The following PAWR variants were observed in gnomAD, a reference collection of about 807,000 sequenced individuals.
The protein encoded by PAWR is PRKC apoptosis WT1 regulator protein.
PAWR carries 23 observed loss-of-function variants against 32.0 expected under a neutral mutation model. The observed-to-expected ratio is 0.72, with a 90% CI of 0.52 to 1.02. The LOEUF is 1.02. PAWR is among the 50% of genes least tolerant of loss of function. The probability of loss-of-function intolerance (pLI) is 0.00; values close to 1 mark genes in which losing one functional copy is unlikely to be tolerated. For missense variants in PAWR, 457 were observed against 437.7 expected (o/e 1.04, Z -0.39); for synonymous variants, 226 against 187.1 (o/e 1.21, Z -1.70).
intron 2 of PAWR, among the ~76,000 whole-genome samples, chr12:79,671,632 G>A (rs937507026): frequency 6.6e-6 from 1 of 151,544 alleles, no homozygotes; most frequent in Non-Finnish European, 1.5e-5. Flanking sequence ...TAGTTTCCTC[G>A]ATACGAGGGA....
rs1238972973 is a variant in PAWR at position 79,690,076 on chromosome 12, C to A, written c.169G>T (p.Ala57Ser). The change falls in exon 2 of 7, where the codon GCT becomes TCT. Residue 57 changes from alanine (A) to serine (S), a missense_variant. Physicochemically the swap from Ala to Ser is moderately conservative, Grantham distance 99 (BLOSUM62 1). Transcript: ENST00000328827. ...SDAAGKPPAG[A>S]LGTPAAAAAN... ...GCGGCGGCCGCCGGGGTGCCCAGAG[C>A]CCCCGCGGGGGGCTTCCCAGCGGCG... is the stretch of plus-strand genomic sequence containing the variant. 1.4e-6 allele frequency: 2 copies of A among 1,413,192 alleles called. No homozygotes were observed. Among genetic ancestry groups the A allele is most frequent in the South Asian group, 1.5e-5 (1 of 66,582 alleles). The allele number at this position is 1,413,192 out of a possible 1,614,324, so 87.5% of individuals were successfully genotyped here. A position where few individuals can be genotyped will look rare whatever the true frequency, so the allele number is the denominator to read the frequency against.
At chr12:79,603,742 AT>A (rs1874056786) in intron 4 of PAWR, 2 of 124,972 alleles carry the variant, frequency 1.6e-5, no homozygotes, top group Non-Finnish European at 3.1e-5. Context: ...CAATGCCACT[AT>A]TTTGGCTCAC....
At chr12:79,610,702 G>A (rs1362294350) in intron 4 of PAWR, among the ~76,000 whole-genome samples, 1 of 150,140 alleles carries the variant, frequency 6.7e-6, no homozygotes, top group African/African-American at 2.5e-5. Flanking sequence ...GAGTTGGGAG[G>A]ATCACTTGAG....
intron 2 of PAWR, among the ~76,000 whole-genome samples, chr12:79,649,686 G>C (rs1168410195): frequency 6.6e-6 from 1 of 152,118 alleles, no homozygotes; most frequent in Non-Finnish European, 1.5e-5. Flanking sequence ...AACTGCTTGG[G>C]AGGCTGAGGT....
chr12:79,626,579 CTT>C (rs60708482), intron 2 of PAWR, among the ~76,000 whole-genome samples: 1 of 144,784 alleles, frequency 6.9e-6, no homozygotes, highest in African/African-American at 2.5e-5. Context: ...TTTTTTTTTC[CTT>C]TTTTTTTTTA....
In PAWR at chr12:79,590,671, C is replaced by G. The variant is rs1336429855; in HGVS notation, c.*1936G>C. The G allele has an allele frequency of 6.6e-6, 1 of 152,062 alleles. No homozygotes were observed. The highest frequency in any genetic ancestry group is 1.5e-5 in the Non-Finnish European group (1 of 68,030). 9.4% of individuals were successfully genotyped at this position (152,062 alleles called of 1,614,324 possible). A position where few individuals can be genotyped will look rare whatever the true frequency, so the allele number is the denominator to read the frequency against. On this transcript the variant is annotated 3_prime_UTR_variant, in exon 7 of 7. Coordinates refer to ENST00000328827, the MANE Select transcript of PAWR (RefSeq NM_002583.4). ...TCCAAAGTGTGGATGACGAACTAGG[C>G]AATAAGGACATGTGTGCCACATAAC...
At chr12:79,614,394 T>G (rs1874627812) in intron 3 of PAWR, among the ~76,000 whole-genome samples, 1 of 152,060 alleles carries the variant, frequency 6.6e-6, no homozygotes, top group African/African-American at 2.4e-5. Flanking sequence ...ATATAGTAAT[T>G]AGTTCCTATT....
chr12:79,592,993 GT>G (rs1229789214), intron 6 of PAWR, among the ~76,000 whole-genome samples: 3 of 151,588 alleles, frequency 2.0e-5, no homozygotes, highest in African/African-American at 7.3e-5. Flanking sequence ...AAATAAGTTA[GT>G]TTTTTAGCTA....
intron 2 of PAWR, among the ~76,000 whole-genome samples, chr12:79,661,373 T>C (rs1011727557): frequency 1.3e-5 from 2 of 152,114 alleles, no homozygotes; most frequent in Admixed American, 1.3e-4. Context: ...TCAAATCCAT[T>C]ATGCCATTAA....
chr12:79,599,550 C>T (rs1873882608), intron 4 of PAWR, among the ~76,000 whole-genome samples: 2 of 152,206 alleles, frequency 1.3e-5, no homozygotes, highest in African/African-American at 4.8e-5. Context: ...TACTGTAACC[C>T]TTTGCAAGTG....
At chr12:79,685,414 T>G (rs1878637348) in intron 2 of PAWR, among the ~76,000 whole-genome samples, 1 of 152,212 alleles carries the variant, frequency 6.6e-6, no homozygotes, top group Admixed American at 6.5e-5. Flanking sequence ...GTGGAACTTG[T>G]CCTATATATA....
chr12:79,638,778 C>A (rs1876093778), intron 2 of PAWR, among the ~76,000 whole-genome samples: 1 of 117,100 alleles, frequency 8.5e-6, no homozygotes, highest in Non-Finnish European at 1.7e-5. Flanking sequence ...CAAATGCTAT[C>A]ATTATATTTG....
chr12:79,612,325 T>G (rs2136697604), intron 4 of PAWR, among the ~76,000 whole-genome samples: 1 of 149,026 alleles, frequency 6.7e-6, no homozygotes, highest in African/African-American at 2.6e-5. Context: ...CCTTCTCATC[T>G]CTTTCTATTG....
intron 2 of PAWR, among the ~76,000 whole-genome samples, chr12:79,643,218 TAGGG>T: frequency 6.6e-6 from 1 of 152,158 alleles, no homozygotes; most frequent in East Asian, 1.9e-4. Flanking sequence ...GAAAAGAAGG[TAGGG>T]AGGAAGGAGG....
intron 2 of PAWR, among the ~76,000 whole-genome samples, chr12:79,670,877 G>T (rs2177973): frequency 0.23 from 33,521 of 145,184 alleles, 10,107 homozygotes; most frequent in African/African-American, 0.69. Flanking sequence ...TTTTTTAGGG[G>T]TTTTTTTTTT....
chr12:79,654,336 A>G (rs1458407348), intron 2 of PAWR, among the ~76,000 whole-genome samples: 1 of 152,228 alleles, frequency 6.6e-6, no homozygotes, highest in African/African-American at 2.4e-5. Context: ...ACATGTGATC[A>G]ATAAATTTTA....
intron 2 of PAWR, among the ~76,000 whole-genome samples, chr12:79,683,139 T>C (rs1229281856): frequency 6.6e-6 from 1 of 152,304 alleles, no homozygotes; most frequent in South Asian, 2.1e-4. Flanking sequence ...ATTACATAAA[T>C]GTTTAAAGTA....
intron 2 of PAWR, among the ~76,000 whole-genome samples, chr12:79,688,202 T>C (rs1878777328): frequency 6.7e-6 from 1 of 150,330 alleles, no homozygotes; most frequent in African/African-American, 2.5e-5. Flanking sequence ...TCTACTTACT[T>C]CCCCCAGTAA....
chr12:79,672,329 T>C (rs932300553), intron 2 of PAWR, among the ~76,000 whole-genome samples: 3 of 152,220 alleles, frequency 2.0e-5, no homozygotes, highest in Non-Finnish European at 4.4e-5. Flanking sequence ...TCTTCTCACC[T>C]ACCCAACTTT....
Sources: allele counts gnomAD v4.1 joint callset (sites outside exome capture counted in the v4.1 genomes callset), GRCh38; gene constraint gnomAD v4.1.1; transcripts MANE v1.5; gene names NCBI Gene and HGNC (gene_info 2026-07-23, HGNC 2026-07-21).